Variants in LYST observed in about 807,000 individuals in gnomAD.
LYST encodes lysosomal trafficking regulator.
LYST carries 192 observed loss-of-function variants against 413.6 expected under a neutral mutation model. The ratio of observed to expected loss-of-function variants is 0.46; its 90% CI spans 0.41 to 0.52. The LOEUF (loss-of-function observed/expected upper bound fraction) is 0.52. LYST is among the 20% of genes least tolerant of loss of function. The pLI, the probability that LYST is intolerant of heterozygous loss-of-function variation, is 0.00. For missense variants in LYST, 3,815 were observed against 4,499.9 expected (o/e 0.85, Z 4.35); for synonymous variants, 1,525 against 1,567.3 (o/e 0.97, Z 0.64).
At chr1:235,671,928 G>A (rs2103024922) in intron 50 of LYST, among the ~76,000 whole-genome samples, 1 of 152,338 alleles carries the variant, frequency 6.6e-6, no homozygotes, top group Non-Finnish European at 1.5e-5. Flanking sequence ...TAGTGTTCTA[G>A]GTAACAGTTT....
At chr1:235,778,529 C>T (rs1251640901) in intron 16 of LYST, among the ~76,000 whole-genome samples, 1 of 151,938 alleles carries the variant, frequency 6.6e-6, no homozygotes, top group Non-Finnish European at 1.5e-5. Context: ...TGCATGCCAC[C>T]ACGCCCAGCT....
At chr1:235,678,250 C>T (rs1035314284) in intron 48 of LYST, among the ~76,000 whole-genome samples, 6 of 152,048 alleles carry the variant, frequency 3.9e-5, no homozygotes, top group Non-Finnish European at 5.9e-5. Flanking sequence ...GTCAGGAGGT[C>T]GAGACCAGCC....
Position 235,694,309 on chromosome 1 carries a change from C to T in LYST, c.10565-823G>A, listed in dbSNP as rs528502771. ...GGATTACAGGCTTGAGCCACTGTGC[C>T]CAGCCCTCTCTCTTTTTTACAACAT... On this transcript the variant is annotated intron_variant, in intron 46 of 52. Transcript: ENST00000389793. Among the ~76,000 whole-genome samples the T allele has an allele frequency of 3.3e-5, 5 of 152,250 alleles. No individual in the cohort carries two copies. In the South Asian group the frequency reaches 1.0e-3, roughly 32 times the overall value.
chr1:235,838,739 G>A (rs1676848546), intron 1 of LYST, among the ~76,000 whole-genome samples: 1 of 152,128 alleles, frequency 6.6e-6, no homozygotes, highest in African/African-American at 2.4e-5. Context: ...ATTCATTTTA[G>A]AGCATCCAGA....
chr1:235,808,500 A>G lies in LYST; in HGVS notation c.2318T>C (p.Val773Ala). The G allele has an allele frequency of 6.2e-7, 1 of 1,613,842 alleles. No homozygotes were observed. Among genetic ancestry groups the G allele is most frequent in the Non-Finnish European group, 8.5e-7 (1 of 1,179,914 alleles). Reference sequence around the variant, plus strand: ...CAGAGTTTTTACATAAATCTGAAGCACGTCCTGAGGCAAGCACTGGTTATG... The same window carrying G: ...CAGAGTTTTTACATAAATCTGAAGCGCGTCCTGAGGCAAGCACTGGTTATG... Reference protein sequence around the residue: ...SHHNQCLPQDVLQIYVKTLPI... With the variant: ...SHHNQCLPQDALQIYVKTLPI... The change falls in exon 5 of 53, where the codon GTG (valine) becomes GCG (alanine). Residue 773 changes from valine to alanine, a missense_variant. Transcript: ENST00000389793.
chr1:235,720,058 C>T (rs917060273), intron 40 of LYST, among the ~76,000 whole-genome samples: 2 of 151,270 alleles, frequency 1.3e-5, no homozygotes, highest in African/African-American at 4.9e-5. Flanking sequence ...TGCCGGCAGT[C>T]CCAGCTACTC....
intron 31 of LYST, chr1:235,738,632 C>T: frequency 6.2e-7 from 1 of 1,607,872 alleles, no homozygotes; most frequent in Non-Finnish European, 8.5e-7. Flanking sequence ...GTGTCTCCCT[C>T]AAGACTCTGC....
Position 235,755,531 on chromosome 1 carries a change from C to T in LYST, c.7176G>A (p.Leu2392=), listed in dbSNP as rs754085798. The part of the protein sequence containing the change: ...QLYLHRGTQE[L]LECFIEMFFG... Reference sequence around the variant, plus strand: ...AGAACATTTCGATGAAGCATTCTAACAATTCTTGAGTTCCTCGATGAAGAT... The same window carrying T: ...AGAACATTTCGATGAAGCATTCTAATAATTCTTGAGTTCCTCGATGAAGAT... The change falls in exon 25 of 53, where the codon TTG becomes TTA. Residue 2392 remains leucine (L), a synonymous_variant. Coordinates refer to ENST00000389793, the MANE Select transcript of LYST (RefSeq NM_000081.4). 2 of 1,613,876 alleles carry T rather than the reference C, an allele frequency of 1.2e-6. No individual in the cohort carries two copies. The highest frequency in any genetic ancestry group is 8.5e-7 in the Non-Finnish European group (1 of 1,179,762).
At chr1:235,737,924 T>C in intron 31 of LYST, 1 of 1,170,456 alleles carries the variant, frequency 8.5e-7, no homozygotes, top group Non-Finnish European at 1.1e-6. Context: ...CGAGTCTGGA[T>C]CTCACTGCCG....
intron 45 of LYST, 85 bp downstream of exon 45, chr1:235,702,662 T>C: frequency 9.0e-7 from 1 of 1,112,200 alleles, no homozygotes. Flanking sequence ...GCCAGGACCA[T>C]GCTATTCATC....
Position 235,697,260 on chromosome 1 carries a change from A to T in LYST, c.10387T>A (p.Trp3463Arg). ...TCCCCCCATTTCAAGCCTTTTATCC[A>T]TGACAAAGGACTCTAAAATGAAGAA... ...KEITYPSPLS[W>R]IKGLKWGEYV... Residue 3463 changes from tryptophan to arginine, a missense_variant, in exon 46 of 53, where the codon TGG (tryptophan) becomes AGG (arginine). Physicochemically the swap from Trp to Arg is moderately radical, Grantham distance 101 (BLOSUM62 -3). Around this residue, in one of 4 missense-constraint regions of LYST, gnomAD observed 866 missense variants for 1,156.0 expected, o/e 0.75. Coordinates refer to ENST00000389793, the MANE Select transcript of LYST (RefSeq NM_000081.4). 1 of 1,613,418 alleles carries T rather than the reference A, an allele frequency of 6.2e-7. No individual in the cohort carries two copies. Among genetic ancestry groups the T allele is most frequent in the Non-Finnish European group, 8.5e-7 (1 of 1,179,410 alleles).
intron 3 of LYST, among the ~76,000 whole-genome samples, chr1:235,816,250 G>A (rs1347543981): frequency 1.3e-5 from 2 of 149,146 alleles, no homozygotes; most frequent in Non-Finnish European, 3.0e-5. Context: ...GACCATCCTG[G>A]CAAACATGGT....
intron 2 of LYST, among the ~76,000 whole-genome samples, chr1:235,831,114 A>T (rs538094788): frequency 3.5e-4 from 54 of 152,338 alleles, no homozygotes; most frequent in African/African-American, 1.2e-3. Flanking sequence ...AAATAGTTTC[A>T]TCTCTGGGCT....
chr1:235,742,236 C>T (rs1665476327), intron 30 of LYST, among the ~76,000 whole-genome samples: 4 of 152,046 alleles, frequency 2.6e-5, no homozygotes, highest in Admixed American at 2.6e-4. Flanking sequence ...AGGTGGATCA[C>T]CTGAGGTCAG....
In LYST at chr1:235,662,869, C is replaced by T; in HGVS notation, c.*71G>A. 1 of 883,256 alleles carries T rather than the reference C, an allele frequency of 1.1e-6. No homozygotes were observed. Among genetic ancestry groups the T allele is most frequent in the Non-Finnish European group, 2.0e-6 (1 of 512,598 alleles). The allele number at this position is 883,256 out of a possible 1,614,324, so 54.7% of individuals were successfully genotyped here. A position where few individuals can be genotyped will look rare whatever the true frequency, so the allele number is the denominator to read the frequency against. On this transcript the variant is annotated 3_prime_UTR_variant, in exon 53 of 53. Coordinates refer to ENST00000389793, the MANE Select transcript of LYST (RefSeq NM_000081.4). ...CATCCATTTCTTTAGGTTCAACCTC[C>T]TAAAACTGGTGAAGTCAACAAATCT... is the stretch of plus-strand genomic sequence containing the variant.
At chr1:235,731,265 A>G in intron 34 of LYST, 88 bp from the exon 35 acceptor site, 1 of 1,095,368 alleles carries the variant, frequency 9.1e-7, no homozygotes, top group Non-Finnish European at 1.4e-6. Context: ...TGAGTAAGTA[A>G]GTCACAACTG....
chr1:235,731,635 T>G (rs1664390989), intron 34 of LYST, among the ~76,000 whole-genome samples: 1 of 150,860 alleles, frequency 6.6e-6, no homozygotes. Context: ...CTTGGCTCAC[T>G]GTAATTTCTG....
In LYST at chr1:235,711,000, A is replaced by G. The variant is rs568619265; in HGVS notation, c.9925+1057T>C. On this transcript the variant is annotated intron_variant, in intron 43 of 52. Coordinates refer to ENST00000389793, the MANE Select transcript of LYST (RefSeq NM_000081.4). The stretch of plus-strand genomic sequence containing the variant: ...CCTGTTCCAGCTCCAGAAAACCTGA[A>G]GGCAACAGCATGAGACACCCTGAGC... 2.6e-5 allele frequency among the ~76,000 whole-genome samples: 4 copies of G among 152,312 alleles called. No homozygotes were observed. In the East Asian group the frequency reaches 7.7e-4, roughly 29 times the overall value.
intron 44 of LYST, among the ~76,000 whole-genome samples, chr1:235,704,134 A>G (rs1290403408): frequency 5.3e-5 from 8 of 152,066 alleles, no homozygotes; most frequent in Non-Finnish European, 1.0e-4. Context: ...TATATACCAC[A>G]TTTTCTTTAT....
Sources: gnomAD v4.1 joint callset for allele counts (sites outside exome capture counted in the v4.1 genomes callset) on GRCh38, gnomAD v4.1.1 for gene constraint, gnomAD v4.1.1 regional missense constraint, MANE v1.5 for transcripts, NCBI Gene and HGNC (gene_info 2026-07-23, HGNC 2026-07-21) for gene names.